Variants in MALRD1 observed in about 807,000 individuals in gnomAD.
The protein encoded by MALRD1 is MAM and LDL-receptor class A domain-containing protein 1.
Under a neutral mutation model 242.1 loss-of-function variants are expected in MALRD1, and 247 were observed. The ratio of observed to expected loss-of-function variants is 1.02; its 90% CI spans 0.92 to 1.13. MALRD1 has a LOEUF of 1.13. MALRD1 is among the 50% of genes most tolerant of loss of function. The pLI, the probability that MALRD1 is intolerant of heterozygous loss-of-function variation, is 0.00. For synonymous variants in MALRD1, 995 were observed against 866.6 expected, an observed-to-expected ratio of 1.15 and a Z score of -2.60; for missense variants, 2,989 against 2,533.1, an observed-to-expected ratio of 1.18 and a Z score of -3.86.
chr10:19,108,008 C>A (rs1836529225), intron 5 of MALRD1, among the ~76,000 whole-genome samples: 1 of 152,130 alleles, frequency 6.6e-6, no homozygotes, highest in Non-Finnish European at 1.5e-5. Flanking sequence ...AGACTTTGGG[C>A]TTTGTGGATA....
At chr10:19,097,778 A>C (rs1836097035) in intron 4 of MALRD1, among the ~76,000 whole-genome samples, 1 of 152,318 alleles carries the variant, frequency 6.6e-6, no homozygotes, top group Admixed American at 6.5e-5. Context: ...ATCCCGATAC[A>C]TTGAGAACAA....
At chr10:19,345,143 C>A (rs1033678769) in intron 24 of MALRD1, among the ~76,000 whole-genome samples, 2 of 151,932 alleles carry the variant, frequency 1.3e-5, no homozygotes, top group African/African-American at 4.8e-5. Context: ...TTTTATTTTC[C>A]CCACTGGTAT....
intron 28 of MALRD1, among the ~76,000 whole-genome samples, chr10:19,409,361 A>T (rs975656804): frequency 3.3e-5 from 5 of 152,216 alleles, no homozygotes; most frequent in African/African-American, 7.2e-5. Context: ...AAGCTGGAGC[A>T]GGAAGACCAC....
intron 4 of MALRD1, among the ~76,000 whole-genome samples, chr10:19,102,386 A>C (rs1836298447): frequency 6.6e-6 from 1 of 152,002 alleles, no homozygotes. Flanking sequence ...TCTTAGGACT[A>C]CCTATTGACA....
At chr10:19,297,886 A>G (rs1190918145) in intron 21 of MALRD1, among the ~76,000 whole-genome samples, 1 of 151,938 alleles carries the variant, frequency 6.6e-6, no homozygotes, top group East Asian at 1.9e-4. Flanking sequence ...AAAGCATTGC[A>G]TAGAATTTCA....
intron 34 of MALRD1, among the ~76,000 whole-genome samples, chr10:19,600,285 A>G (rs566223934): frequency 1.3e-5 from 2 of 152,314 alleles, no homozygotes; most frequent in East Asian, 1.9e-4. Context: ...ATTTCTTACA[A>G]CAGTGTTCCT....
intron 28 of MALRD1, among the ~76,000 whole-genome samples, chr10:19,437,996 C>G (rs999359480): frequency 6.6e-6 from 1 of 151,972 alleles, no homozygotes; most frequent in African/African-American, 2.4e-5. Context: ...ATTAAATATG[C>G]CTTGGTAGAA....
At chr10:19,193,841 A>AAAAT (rs1554808218) in intron 14 of MALRD1, among the ~76,000 whole-genome samples, 5 of 149,644 alleles carry the variant, frequency 3.3e-5, no homozygotes, top group African/African-American at 9.9e-5. Flanking sequence ...GGGGAAAAAA[A>AAAAT]ATATATATAT....
At position 19,496,942 on chromosome 10, in the gene MALRD1, A is replaced by C. The variant is rs1293897285; in HGVS notation, c.5159-1543A>C. Among the ~76,000 whole-genome samples the C allele has an allele frequency of 2.0e-5, 3 of 152,128 alleles. No individual in the cohort carries two copies. The East Asian group carries it at 5.8e-4, about 29-fold the overall frequency. On this transcript the variant is annotated intron_variant, in intron 30 of 39. Transcript: ENST00000454679. ...TCATAAACAGAGATTAGCCTTAAGAAAGAGAAAAGTGGCATATTTTGAGAT... is the reference window on the plus strand; with the variant it reads ...TCATAAACAGAGATTAGCCTTAAGACAGAGAAAAGTGGCATATTTTGAGAT...
At chr10:19,220,512 C>T (rs1037896512) in intron 18 of MALRD1, among the ~76,000 whole-genome samples, 2 of 152,148 alleles carry the variant, frequency 1.3e-5, no homozygotes, top group Non-Finnish European at 2.9e-5. Context: ...TATCTTCAGC[C>T]GCCTTTATTG....
chr10:19,063,768 G>A (rs1590376692), intron 1 of MALRD1, among the ~76,000 whole-genome samples: 2 of 110,458 alleles, frequency 1.8e-5, no homozygotes. Context: ...ACAGGAAGGG[G>A]AACATCACAT....
chr10:19,641,521 A>G (rs1840384547), intron 36 of MALRD1, among the ~76,000 whole-genome samples: 1 of 152,128 alleles, frequency 6.6e-6, no homozygotes, highest in African/African-American at 2.4e-5. Context: ...TCTCCCCAGT[A>G]CCATATTGGT....
chr10:19,204,474 G>T, intron 16 of MALRD1, 61 bp downstream of exon 16: 1 of 1,144,624 alleles, frequency 8.7e-7, no homozygotes, highest in East Asian at 2.6e-5. Context: ...TGAAGTGTTT[G>T]CAGGCATACC....
intron 18 of MALRD1, among the ~76,000 whole-genome samples, chr10:19,238,768 G>A (rs1380583309): frequency 1.4e-5 from 2 of 146,746 alleles, no homozygotes; most frequent in Non-Finnish European, 3.0e-5. Flanking sequence ...TGTTTTTTTT[G>A]TTTTTTTTTA....
intron 36 of MALRD1, among the ~76,000 whole-genome samples, chr10:19,643,831 T>A (rs1260420738): frequency 1.3e-5 from 2 of 152,160 alleles, no homozygotes; most frequent in Non-Finnish European, 2.9e-5. Flanking sequence ...CTGGGCTGCG[T>A]CAAGAGGCTC....
rs894664586 is a variant in MALRD1, at chr10:19,156,674, G to T, written c.1656+1502G>T. 2.6e-5 allele frequency among the ~76,000 whole-genome samples: 4 copies of T among 152,064 alleles called. No homozygotes were observed. The East Asian group carries it at 5.8e-4, about 22-fold the overall frequency. ...TTAAGAGTGTATTAGAAATTCCTAT[G>T]ACTCACCTAGAGTCACTGAGAAATC... On this transcript the variant is annotated intron_variant, in intron 12 of 39. Transcript: ENST00000454679.
At chr10:19,327,498 T>A (rs1843183012) in intron 22 of MALRD1, 65 bp from the exon 23 acceptor site, 1 of 1,284,748 alleles carries the variant, frequency 7.8e-7, no homozygotes, top group Non-Finnish European at 1.1e-6. Flanking sequence ...CTGGAAGAAT[T>A]CTACATGTTT....
intron 35 of MALRD1, among the ~76,000 whole-genome samples, chr10:19,614,057 C>G (rs1343500276): frequency 6.6e-6 from 1 of 151,888 alleles, no homozygotes; most frequent in Non-Finnish European, 1.5e-5. Flanking sequence ...TCTGGAAGGA[C>G]AGTAGGAGCA....
At chr10:19,154,120 T>A (rs1221535713) in intron 11 of MALRD1, among the ~76,000 whole-genome samples, 7 of 152,166 alleles carry the variant, frequency 4.6e-5, no homozygotes, top group Non-Finnish European at 1.0e-4. Context: ...AGTTTGGAAT[T>A]TGGGGACAGT....
Sources: allele counts gnomAD v4.1 joint callset (sites outside exome capture counted in the v4.1 genomes callset), GRCh38; gene constraint gnomAD v4.1.1; transcripts MANE v1.5; gene names NCBI Gene and HGNC (gene_info 2026-07-23, HGNC 2026-07-21).